SPAG1: variants seen among roughly 807,000 people sequenced by gnomAD.
SPAG1 encodes sperm-associated antigen 1.
In SPAG1, 69 loss-of-function variants were observed where a neutral mutation model predicts 100.5. The observed-to-expected ratio is 0.69, with a 90% CI of 0.57 to 0.84. The LOEUF (loss-of-function observed/expected upper bound fraction) is 0.84, where lower values mean the gene tolerates loss of function less well. Ranked by LOEUF, SPAG1 falls within the 40% of genes least tolerant of loss-of-function variation. SPAG1 has a pLI of 0.00. For synonymous variants in SPAG1, 336 were observed against 411.6 expected (o/e 0.82, Z 2.22); for missense variants, 955 against 1,133.1 (o/e 0.84, Z 2.26).
chr8:100,171,658 A>G (rs1164438782), intron 3 of SPAG1, among the ~76,000 whole-genome samples: 1 of 152,162 alleles, frequency 6.6e-6, no homozygotes, highest in Non-Finnish European at 1.5e-5. Context: ...GCAAGACCAC[A>G]GGGTTCTGTC....
chr8:100,219,632 C>T lies in SPAG1; in HGVS notation c.1536-647C>T, dbSNP rs181801121. On this transcript the variant is annotated intron_variant, in intron 12 of 18. Transcript: ENST00000388798. ...TTTTACTTCAGAATATAATGAAGTA[C>T]GTTAAATGCTGAAGTAGCTTTAAAC... Among the ~76,000 whole-genome samples the T allele has an allele frequency of 5.2e-4, 79 of 152,198 alleles. No individual in the cohort carries two copies. The East Asian group carries it at 0.014, about 27-fold the overall frequency.
intron 3 of SPAG1, among the ~76,000 whole-genome samples, chr8:100,174,409 A>C (rs1160001251): frequency 1.3e-5 from 2 of 152,198 alleles, no homozygotes; most frequent in South Asian, 4.1e-4. Context: ...AGGAGGAAGC[A>C]TAGGAGGTGT....
chr8:100,167,217 G>A (rs1272060872), intron 3 of SPAG1, among the ~76,000 whole-genome samples: 1 of 152,100 alleles, frequency 6.6e-6, no homozygotes, highest in African/African-American at 2.4e-5. Flanking sequence ...GCTGGATACT[G>A]TAATCATTTT....
intron 10 of SPAG1, among the ~76,000 whole-genome samples, chr8:100,201,982 T>C (rs531600622): frequency 3.3e-5 from 5 of 152,294 alleles, no homozygotes; most frequent in South Asian, 2.1e-4. Context: ...GAACCCTAAC[T>C]TGAAACCTGT....
At chr8:100,231,833 G>T (rs193268510) in intron 15 of SPAG1, among the ~76,000 whole-genome samples, 1 of 152,082 alleles carries the variant, frequency 6.6e-6, no homozygotes, top group Non-Finnish European at 1.5e-5. Context: ...GCAGCGGCAG[G>T]CACCTGTAGT....
chr8:100,159,395 A>G (rs1382930124), intron 1 of SPAG1, among the ~76,000 whole-genome samples: 4 of 152,224 alleles, frequency 2.6e-5, no homozygotes, highest in South Asian at 4.1e-4. Flanking sequence ...ACTGTCATCT[A>G]TATCATATAC....
intron 12 of SPAG1, 52 bp from the exon 13 acceptor site, chr8:100,220,227 C>T (rs570492821): frequency 7.2e-5 from 108 of 1,506,570 alleles, no homozygotes; most frequent in South Asian, 4.6e-4. Context: ...GAAGTATAAA[C>T]GAAAGAGCAT....
chr8:100,200,785 G>A (rs1178453347), intron 10 of SPAG1, among the ~76,000 whole-genome samples: 1 of 134,930 alleles, frequency 7.4e-6, no homozygotes, highest in Non-Finnish European at 1.7e-5. Flanking sequence ...CCCACTTTTT[G>A]ATGGGGTTGT....
At chr8:100,238,224 A>C (rs897076208) in intron 16 of SPAG1, among the ~76,000 whole-genome samples, 2 of 152,128 alleles carry the variant, frequency 1.3e-5, no homozygotes, top group African/African-American at 4.8e-5. Flanking sequence ...GGACAGTGGT[A>C]TCTGGAGATT....
intron 3 of SPAG1, among the ~76,000 whole-genome samples, chr8:100,173,312 T>C (rs899435215): frequency 6.6e-6 from 1 of 152,090 alleles, no homozygotes; most frequent in Non-Finnish European, 1.5e-5. Flanking sequence ...CTTTCATACT[T>C]TGTTTGCCAC....
intron 10 of SPAG1, among the ~76,000 whole-genome samples, chr8:100,200,011 A>C (rs1013680962): frequency 7.9e-5 from 12 of 151,660 alleles, no homozygotes; most frequent in African/African-American, 2.7e-4. Context: ...GGTTTGTTAC[A>C]TATGTATACA....
In SPAG1 at chr8:100,213,278, G is replaced by T; in HGVS notation, c.1285G>T (p.Gly429Cys). Residue 429 changes from glycine (G) to cysteine (C), a missense_variant, in exon 11 of 19, where the codon GGC (glycine) becomes TGC (cysteine). By Grantham distance (159) the Gly-to-Cys change is radical. Coordinates refer to ENST00000388798, the MANE Select transcript of SPAG1 (RefSeq NM_003114.5). ...GCGGGCCTCTGCGGCGGCGGCGGCG[G>T]GCGGCGGCGCCACCGGGCATCCGGG... ...PRRASAAAAA[G>C]GGATGHPGGG... The T allele has an allele frequency of 1.6e-6, 2 of 1,215,550 alleles. No individual in the cohort carries two copies. The highest frequency in any genetic ancestry group is 2.0e-6 in the Non-Finnish European group (2 of 980,144). The allele number at this position is 1,215,550 out of a possible 1,614,324, so 75.3% of individuals were successfully genotyped here. A position where few individuals can be genotyped will look rare whatever the true frequency, so the allele number is the denominator to read the frequency against.
intron 16 of SPAG1, among the ~76,000 whole-genome samples, chr8:100,237,673 C>T (rs1417783640): frequency 3.3e-5 from 5 of 152,154 alleles, no homozygotes; most frequent in Admixed American, 3.3e-4. Flanking sequence ...GTGAATGAGC[C>T]TCGCCCCCTC....
intron 2 of SPAG1, among the ~76,000 whole-genome samples, chr8:100,164,270 A>T (rs1815446397): frequency 1.3e-5 from 2 of 152,224 alleles, no homozygotes; most frequent in African/African-American, 4.8e-5. Context: ...TTATGAGCTT[A>T]ATATCATGTA....
chr8:100,176,267 G>A (rs1362479376), intron 3 of SPAG1, among the ~76,000 whole-genome samples: 1 of 151,792 alleles, frequency 6.6e-6, no homozygotes, highest in Non-Finnish European at 1.5e-5. Context: ...CAGCTTTATA[G>A]GTCCATCATC....
chr8:100,180,990 G>A (rs1273829083), intron 4 of SPAG1, among the ~76,000 whole-genome samples: 1 of 152,206 alleles, frequency 6.6e-6, no homozygotes, highest in African/African-American at 2.4e-5. Context: ...AGAGTGTCAT[G>A]ATACTGAAAA....
Position 100,241,097 on chromosome 8 carries a change from G to C in SPAG1, c.*75G>C. ...GTTAATGAGATGGTATTGTAAAAGA[G>C]TTGCATGGATAAAACTTGGCCTAGA... On this transcript the variant is annotated 3_prime_UTR_variant, in exon 19 of 19. Coordinates refer to ENST00000388798, the MANE Select transcript of SPAG1 (RefSeq NM_003114.5). The surrounding 1 kb of genome is among the most constrained non-coding windows in gnomAD (Gnocchi z 5.1). The C allele has an allele frequency of 6.6e-7, 1 of 1,505,706 alleles. No individual in the cohort carries two copies. Among genetic ancestry groups the C allele is most frequent in the Non-Finnish European group, 9.0e-7 (1 of 1,110,884 alleles). The allele number at this position is 1,505,706 out of a possible 1,614,324, so 93.3% of individuals were successfully genotyped here. A position where few individuals can be genotyped will look rare whatever the true frequency, so the allele number is the denominator to read the frequency against.
chr8:100,212,978 G>T, intron 10 of SPAG1, 112 bp from the exon 11 acceptor site: 1 of 860,678 alleles, frequency 1.2e-6, no homozygotes, highest in Non-Finnish European at 1.6e-6. Flanking sequence ...TGCCCGAGCC[G>T]GCTTCCCTAG....
At chr8:100,167,657 TTAAA>T (rs1815624438) in intron 3 of SPAG1, among the ~76,000 whole-genome samples, 1 of 152,252 alleles carries the variant, frequency 6.6e-6, no homozygotes, top group African/African-American at 2.4e-5. Flanking sequence ...AAATTTCTTC[TTAAA>T]TATTTACAGA....
Sources: allele counts gnomAD v4.1 joint callset (sites outside exome capture counted in the v4.1 genomes callset), GRCh38; gene constraint gnomAD v4.1.1; non-coding constraint Gnocchi (gnomAD v3.1); transcripts MANE v1.5; gene names NCBI Gene and HGNC (gene_info 2026-07-23, HGNC 2026-07-21).